Variants in CTU2 observed in about 807,000 individuals in gnomAD.
CTU2 encodes the protein cytoplasmic tRNA 2-thiolation protein 2.
Under a neutral mutation model 64.1 loss-of-function variants are expected in CTU2, and 80 were observed. The ratio of observed to expected loss-of-function variants is 1.25; its 90% CI spans 1.04 to 1.50. The LOEUF is 1.50. CTU2 is among the 40% of genes most tolerant of loss of function. CTU2 has a pLI of 0.00. For missense variants in CTU2, 1,110 were observed against 690.2 expected, an observed-to-expected ratio of 1.61 and a Z score of -6.81; for synonymous variants, 482 against 285.3, an observed-to-expected ratio of 1.69 and a Z score of -6.95.
rs781671492 is a variant in CTU2, at chr16:88,713,380, C to G, written c.806C>G (p.Thr269Arg). Residue 269 changes from threonine to arginine, a missense_variant, in exon 8 of 15, where the codon ACA becomes AGA. By Grantham distance (71) the Thr-to-Arg change is moderately conservative. Transcript: ENST00000453996. ...AAGGTCATGACTGGGGACAGCTGCA[C>G]ACGCTTGGCTATCAAGCTCATGACC... Reference protein sequence around the residue: ...YSKVMTGDSCTRLAIKLMTNL... With the variant: ...YSKVMTGDSCRRLAIKLMTNL... 1.9e-6 allele frequency: 3 copies of G among 1,605,068 alleles called. No homozygotes were observed. The Admixed American group carries it at 5.1e-5, about 27-fold the overall frequency.
At chr16:88,714,359 GCTC>G in intron 10 of CTU2, 21 bp from the exon 11 acceptor site, 2 of 1,611,490 alleles carry the variant, frequency 1.2e-6, no homozygotes, top group Non-Finnish European at 1.7e-6. Context: ...TGATTCACCT[GCTC>G]CTCCCACAAT....
chr16:88,715,193 T>C lies in CTU2; in HGVS notation c.1490T>C (p.Leu497Ser). Residue 497 changes from leucine (L) to serine (S), a missense_variant, in exon 15 of 15, where the codon TTG becomes TCG. Leu to Ser is a moderately radical substitution (Grantham distance 145, BLOSUM62 -2). Transcript: ENST00000453996. ...AQLRTQRAWG[L>S]QEIRDCLIED... ...AGCTTTCTCTCTAGGGCCTGGGGCT[T>C]GCAGGAGATCCGGGACTGTCTGATT... The C allele has an allele frequency of 6.2e-7, 1 of 1,612,356 alleles. No individual in the cohort carries two copies. The highest frequency in any genetic ancestry group is 8.5e-7 in the Non-Finnish European group (1 of 1,179,804).
chr16:88,711,544 G>A (rs540713720), intron 4 of CTU2, 91 bp from the exon 5 acceptor site: 1 of 1,258,982 alleles, frequency 7.9e-7, no homozygotes, highest in South Asian at 1.6e-5. Context: ...CTTCCAAGAT[G>A]GCATTAAATC....
At chr16:88,709,850 C>A in intron 2 of CTU2, 88 bp from the exon 3 acceptor site, 2 of 1,076,420 alleles carry the variant, frequency 1.9e-6, no homozygotes, top group Non-Finnish European at 1.4e-6. Context: ...TGGAGATTGG[C>A]AAAGGACGTC....
chr16:88,714,916 T>G lies in CTU2; in HGVS notation c.1409T>G (p.Met470Arg), dbSNP rs1339119724. 3 of 1,612,486 alleles carry G rather than the reference T, an allele frequency of 1.9e-6. No individual in the cohort carries two copies. In the African/African-American group the frequency reaches 4.0e-5, roughly 22 times the overall value. ...EQLCYSCRVN[M>R]KDLPSLDPLP... ...CTGTGCTACAGCTGCCGCGTGAACA[T>G]GAAGGACTTGGTGAGTACGTGCCCA... is the stretch of plus-strand genomic sequence containing the variant. The change falls in exon 13 of 15, where the codon ATG (methionine) becomes AGG (arginine). Residue 470 changes from methionine (M) to arginine (R), a missense_variant. By Grantham distance (91) the Met-to-Arg change is moderately conservative (BLOSUM62 -1). Transcript: ENST00000453996.
intron 7 of CTU2, 64 bp downstream of exon 7, chr16:88,712,969 T>C (rs1193752401): frequency 7.6e-5 from 33 of 431,780 alleles, no homozygotes; most frequent in African/African-American, 4.7e-4. Context: ...GAGAGCCCCC[T>C]TCCCCGGGCC....
rs760443831 is a variant in CTU2, at chr16:88,713,409, C to G, written c.835C>G (p.Leu279Val). 1.4e-5 allele frequency: 22 copies of G among 1,601,408 alleles called. No individual in the cohort carries two copies. The highest frequency in any genetic ancestry group is 2.7e-5 in the African/African-American group (2 of 74,112). ...TRLAIKLMTN[L>V]ALGRGAFLAW... ...CTTGGCTATCAAGCTCATGACCAAC[C>G]TGGCGCTGGGTCGAGGGGCCTTCCT... The change falls in exon 8 of 15, where the codon CTG (leucine) becomes GTG (valine). Residue 279 changes from leucine (L) to valine (V), a missense_variant. Coordinates refer to ENST00000453996, the MANE Select transcript of CTU2 (RefSeq NM_001012759.3).
At chr16:88,707,597 CGT>C (rs1159479606) in intron 2 of CTU2, among the ~76,000 whole-genome samples, 1 of 152,066 alleles carries the variant, frequency 6.6e-6, no homozygotes, top group East Asian at 1.9e-4. Context: ...TTTTTAATCT[CGT>C]GTGAGATGCT....
Position 88,710,909 on chromosome 16 carries a change from C to T in CTU2, c.282+627C>T, listed in dbSNP as rs532530788. On this transcript the variant is annotated intron_variant, in intron 4 of 14. Coordinates refer to ENST00000453996, the MANE Select transcript of CTU2 (RefSeq NM_001012759.3). ...CGGCTGGGGGTGGTGGGGCTGTGCC[C>T]GTGGCCTGTCAAGGGTCAGCTCAGG... The T allele has an allele frequency of 5.9e-4, 92 of 155,232 alleles. 1 individual carries two copies. Among genetic ancestry groups the T allele is most frequent in the Non-Finnish European group, 1.1e-3 (78 of 70,050 alleles). 9.6% of individuals were successfully genotyped at this position (155,232 alleles called of 1,614,324 possible). A position where few individuals can be genotyped will look rare whatever the true frequency, so the allele number is the denominator to read the frequency against.
At chr16:88,709,914 C>T (rs1387889475) in intron 2 of CTU2, 24 bp from the exon 3 acceptor site, 4 of 1,610,888 alleles carry the variant, frequency 2.5e-6, no homozygotes, top group South Asian at 1.1e-5. Flanking sequence ...CAGGCGGTTC[C>T]CTCATCTCAG....
rs1555551015 is a variant in CTU2, at chr16:88,714,136, G to T, written c.1006G>T (p.Ala336Ser). 1 of 1,612,512 alleles carries T rather than the reference G, an allele frequency of 6.2e-7. No homozygotes were observed. Among genetic ancestry groups the T allele is most frequent in the East Asian group, 2.2e-5 (1 of 44,878 alleles). Residue 336 changes from alanine (A) to serine (S), a missense_variant and splice_region_variant, in exon 10 of 15, where the codon GCC (alanine) becomes TCC (serine). Transcript: ENST00000453996. ...SVFTPAVDTK[A>S]PEKASIHRLM... ...TAGCCTCCAATCTGATTGTCCCTAG[G>T]CCCCTGAAAAGGCCAGCATCCACCG...
At chr16:88,707,812 G>GTTGTT (rs1555549837) in intron 2 of CTU2, among the ~76,000 whole-genome samples, 17,566 of 144,652 alleles carry the variant, frequency 0.12, 1,258 homozygotes, top group Admixed American at 0.18. Context: ...TGTTGTTGTT[G>GTTGTT]TTTTTTTTGA....
chr16:88,714,550 G>C, intron 11 of CTU2, 37 bp from the exon 12 acceptor site: 1 of 1,612,022 alleles, frequency 6.2e-7, no homozygotes, highest in Non-Finnish European at 8.5e-7. Context: ...TGGGGGCTCA[G>C]CAGCCCCAGG....
chr16:88,711,484 T>G, intron 4 of CTU2, 151 bp from the exon 5 acceptor site: 2 of 735,164 alleles, frequency 2.7e-6, no homozygotes, highest in Non-Finnish European at 2.1e-6. Flanking sequence ...GGCACCTGAG[T>G]CTGAATGGCT....
Position 88,713,345 on chromosome 16 carries a change from C to G in CTU2, c.771C>G (p.His257Gln), listed in dbSNP as rs73262667. The change falls in exon 8 of 15, where the codon CAC becomes CAG. Residue 257 changes from histidine (H) to glutamine (Q), a missense_variant. Transcript: ENST00000453996. ...THLILHMARA[H>Q]GYSKVMTGDS... ...TGATCCTCCACATGGCCCGAGCCCA[C>G]GGCTACTCCAAGGTCATGACTGGGG... 1,022 of 1,598,104 alleles carry G rather than the reference C, an allele frequency of 6.4e-4. 4 individuals are homozygous for G. The highest frequency in any genetic ancestry group is 3.7e-3 in the African/African-American group (270 of 73,208).
chr16:88,710,522 C>T, intron 4 of CTU2: 2 of 548,672 alleles, frequency 3.6e-6, no homozygotes, highest in Admixed American at 6.7e-5. Context: ...AAATCAGAAG[C>T]TGGGTCCACA....
intron 2 of CTU2, 168 bp from the exon 3 acceptor site, chr16:88,709,770 G>C: frequency 1.5e-6 from 1 of 652,424 alleles, no homozygotes; most frequent in South Asian, 1.8e-5. Context: ...GCCACTGCCA[G>C]AGGGGCCAAC....
chr16:88,709,623 C>A, intron 2 of CTU2: 1 of 387,942 alleles, frequency 2.6e-6, no homozygotes, highest in Non-Finnish European at 4.7e-6. Flanking sequence ...GTCCACTCCA[C>A]CAGCTGGGCC....
At chr16:88,707,286 TTTG>T (rs1401078438) in intron 2 of CTU2, 76 bp downstream of exon 2, 9 of 1,317,346 alleles carry the variant, frequency 6.8e-6, no homozygotes, top group Admixed American at 5.1e-5. Context: ...CTTGTGATGC[TTTG>T]TTAATTCTTT....
Sources: allele counts gnomAD v4.1 joint callset (sites outside exome capture counted in the v4.1 genomes callset), GRCh38; gene constraint gnomAD v4.1.1; transcripts MANE v1.5; gene names NCBI Gene and HGNC (gene_info 2026-07-23, HGNC 2026-07-21).